AP4E1: variants seen among roughly 807,000 people sequenced by gnomAD.
The protein encoded by AP4E1 is adaptor related protein complex 4 subunit epsilon 1, also known as AP-4 complex subunit epsilon-1.
A neutral mutation model predicts 128.2 loss-of-function variants in AP4E1; 56 were observed. The observed-to-expected ratio is 0.44, with a 90% confidence interval of 0.35 to 0.55. The LOEUF is 0.55. AP4E1 is among the 20% of genes least tolerant of loss of function. The pLI, the probability that AP4E1 is intolerant of heterozygous loss-of-function variation, is 0.00. For missense variants in AP4E1, 1,324 were observed against 1,307.7 expected (o/e 1.01, Z -0.19); for synonymous variants, 484 against 473.1 (o/e 1.02, Z -0.30).
intron 18 of AP4E1, 83 bp from the exon 19 acceptor site, chr15:50,998,989 C>A: frequency 7.6e-7 from 1 of 1,311,580 alleles, no homozygotes; most frequent in South Asian, 1.2e-5. Flanking sequence ...TGTGCCACTT[C>A]AATTAAATAG....
Position 50,984,040 on chromosome 15 carries a change from A to G in AP4E1, c.1985A>G (p.Tyr662Cys). Reference sequence around the variant, plus strand: ...ATTCTAGTTCTCAATTTTGAACCATATGGACTCTCCTTTTCTTCATCTGGC... The same window carrying G: ...ATTCTAGTTCTCAATTTTGAACCATGTGGACTCTCCTTTTCTTCATCTGGC... ...SQEKVLNFEP[Y>C]GLSFSSSGFT... Residue 662 changes from tyrosine to cysteine, a missense_variant, in exon 16 of 21, where the codon TAT (tyrosine) becomes TGT (cysteine). Physicochemically the swap from Tyr to Cys is radical, Grantham distance 194. Transcript: ENST00000261842. The G allele has an allele frequency of 6.2e-7, 1 of 1,613,164 alleles. No homozygotes were observed.
chr15:50,932,866 CTTAA>C (rs1434450921), intron 7 of AP4E1, among the ~76,000 whole-genome samples: 1 of 152,160 alleles, frequency 6.6e-6, no homozygotes, highest in Non-Finnish European at 1.5e-5. Context: ...AAATGATTGT[CTTAA>C]TTATATTTTA....
chr15:50,973,164 C>G (rs186066159), intron 15 of AP4E1, among the ~76,000 whole-genome samples: 1 of 152,206 alleles, frequency 6.6e-6, no homozygotes, highest in East Asian at 1.9e-4. Flanking sequence ...TTCAGAATGT[C>G]AATACTGAAA....
At chr15:50,934,512 A>T (rs755523413) in intron 7 of AP4E1, 112 bp from the exon 8 acceptor site, 20 of 707,458 alleles carry the variant, frequency 2.8e-5, no homozygotes, top group Non-Finnish European at 4.9e-5. Flanking sequence ...CATAAAATGA[A>T]TTTCTTTCAC....
chr15:50,955,691 C>T (rs2064213400), intron 13 of AP4E1, among the ~76,000 whole-genome samples: 1 of 152,170 alleles, frequency 6.6e-6, no homozygotes, highest in Non-Finnish European at 1.5e-5. Context: ...TGTATTTCTC[C>T]TTGGTGGAGG....
intron 1 of AP4E1, among the ~76,000 whole-genome samples, chr15:50,909,389 A>G (rs1555452858): frequency 6.6e-6 from 1 of 152,126 alleles, no homozygotes; most frequent in Non-Finnish European, 1.5e-5. Context: ...ACTGAACAAC[A>G]GTTCAGATGT....
At chr15:50,924,130 CT>C in intron 4 of AP4E1, 126 bp downstream of exon 4, 1 of 724,646 alleles carries the variant, frequency 1.4e-6, no homozygotes. Flanking sequence ...TTAGAAGAAT[CT>C]TTTAGATCAG....
chr15:50,988,959 C>T (rs560503850), intron 16 of AP4E1, among the ~76,000 whole-genome samples: 3 of 152,034 alleles, frequency 2.0e-5, no homozygotes, highest in Non-Finnish European at 4.4e-5. Context: ...AATTAGTTAC[C>T]TTTAGAAACA....
chr15:50,999,130 T>C lies in AP4E1; in HGVS notation c.2963T>C (p.Phe988Ser). 6.2e-7 allele frequency: 1 copy of C among 1,613,992 alleles called. No homozygotes were observed. The highest frequency in any genetic ancestry group is 8.5e-7 in the Non-Finnish European group (1 of 1,179,952). The change falls in exon 19 of 21, where the codon TTT becomes TCT. Residue 988 changes from phenylalanine to serine, a missense_variant. Transcript: ENST00000261842. ...ATGGAAGCAGAAAGCACCAAAAGCT[T>C]TCAATATAGTGTGCAGATAGAAAAA... ...PVMEAESTKS[F>S]QYSVQIEKPF...
chr15:50,968,177 A>G (rs2064420185), intron 14 of AP4E1, 86 bp from the exon 15 acceptor site: 1 of 926,848 alleles, frequency 1.1e-6, no homozygotes, highest in African/African-American at 1.7e-5. Context: ...TAAAAAATAT[A>G]TATGGGCTGA....
chr15:50,943,913 T>G (rs1290506967), intron 10 of AP4E1, among the ~76,000 whole-genome samples: 11 of 152,180 alleles, frequency 7.2e-5, no homozygotes, highest in Non-Finnish European at 1.2e-4. Context: ...TATGAATTAT[T>G]GATTTCTGGA....
chr15:50,910,222 G>T (rs1175462895), intron 1 of AP4E1, among the ~76,000 whole-genome samples: 1 of 152,166 alleles, frequency 6.6e-6, no homozygotes, highest in East Asian at 1.9e-4. Context: ...GACCTCAAGT[G>T]TTCGCTCACT....
At chr15:50,921,628 A>G (rs948444336) in intron 3 of AP4E1, among the ~76,000 whole-genome samples, 2 of 152,098 alleles carry the variant, frequency 1.3e-5, no homozygotes, top group Non-Finnish European at 2.9e-5. Context: ...CTGGCCATTT[A>G]TCTTCATTTT....
At chr15:50,945,742 G>T in intron 10 of AP4E1, 1 of 776,188 alleles carries the variant, frequency 1.3e-6, no homozygotes, top group East Asian at 2.4e-5. Context: ...TGAAAAATTT[G>T]GTGTGCTTAC....
At position 51,005,889 on chromosome 15, in the gene AP4E1, A is replaced by T. The variant is rs2065011934; in HGVS notation, c.*3227A>T. On this transcript the variant is annotated 3_prime_UTR_variant, in exon 21 of 21. Transcript: ENST00000261842. ...TCAGTAATGTAATAAATACAAAGTG[A>T]TCTGCACTGTTTTTTGGTCTATGTT... The T allele has an allele frequency of 6.6e-6, 1 of 152,406 alleles. No homozygotes were observed. The highest frequency in any genetic ancestry group is 1.5e-5 in the Non-Finnish European group (1 of 68,044). 9.4% of individuals were successfully genotyped at this position (152,406 alleles called of 1,614,324 possible).
chr15:50,912,365 T>TGATG (rs1350913852), intron 2 of AP4E1, among the ~76,000 whole-genome samples: 1 of 149,306 alleles, frequency 6.7e-6, no homozygotes, highest in Non-Finnish European at 1.5e-5. Flanking sequence ...AGGGCTAATG[T>TGATG]GATGATGATT....
intron 16 of AP4E1, among the ~76,000 whole-genome samples, chr15:50,989,606 A>G (rs1274631127): frequency 6.6e-6 from 1 of 152,094 alleles, no homozygotes; most frequent in Non-Finnish European, 1.5e-5. Flanking sequence ...AGGTGACAGC[A>G]ATTAAGTGTC....
chr15:50,923,797 T>C (rs1216393160), intron 3 of AP4E1, 134 bp from the exon 4 acceptor site: 10 of 693,010 alleles, frequency 1.4e-5, no homozygotes, highest in Non-Finnish European at 2.3e-5. Flanking sequence ...GTTTTTAACC[T>C]TATATTTTGC....
intron 15 of AP4E1, among the ~76,000 whole-genome samples, chr15:50,971,108 A>G (rs550366619): frequency 6.6e-6 from 1 of 152,216 alleles, no homozygotes; most frequent in East Asian, 1.9e-4. Context: ...GACTCCCTGG[A>G]GCATTTCATG....
Sources: allele counts gnomAD v4.1 joint callset (sites outside exome capture counted in the v4.1 genomes callset), GRCh38; gene constraint gnomAD v4.1.1; transcripts MANE v1.5; gene names NCBI Gene and HGNC (gene_info 2026-07-23, HGNC 2026-07-21).